Variants in CRKL observed in about 807,000 individuals in gnomAD.
CRKL encodes CRK like proto-oncogene, adaptor protein.
CRKL carries 3 observed loss-of-function variants against 23.0 expected under a neutral mutation model. The observed-to-expected ratio is 0.13, with a 90% CI of 0.06 to 0.34. The LOEUF is 0.34. Among genes scored for constraint, CRKL ranks in the 10% least tolerant of loss-of-function variants. The pLI is 1.00. For missense variants in CRKL, 256 were observed against 394.5 expected, an observed-to-expected ratio of 0.65 and a Z score of 2.97; for synonymous variants, 188 against 160.7, an observed-to-expected ratio of 1.17 and a Z score of -1.28.
rs1319739819 is a variant in CRKL, at chr22:20,951,456, T to C, written c.*1611T>C. 1 of 229,706 alleles carries C rather than the reference T, an allele frequency of 4.4e-6. No individual in the cohort carries two copies. The highest frequency in any genetic ancestry group is 8.6e-6 in the Non-Finnish European group (1 of 115,974). 14.2% of individuals were successfully genotyped at this position (229,706 alleles called of 1,614,324 possible). A position where few individuals can be genotyped will look rare whatever the true frequency, so the allele number is the denominator to read the frequency against. On this transcript the variant is annotated 3_prime_UTR_variant, in exon 3 of 3. Transcript: ENST00000354336. ...GCCTGTTCATACAAGCCAACTGGTA[T>C]ATACGTGTGGTTCATCCATCATCTG...
rs115497413 is a variant in CRKL, at chr22:20,953,100, T to C, written c.*3255T>C. 0.032 allele frequency: 7,426 copies of C among 232,030 alleles called. 173 individuals are homozygous for C. The highest frequency in any genetic ancestry group is 0.071 in the Middle Eastern group (55 of 778). The allele number at this position is 232,030 out of a possible 1,614,324, so 14.4% of individuals were successfully genotyped here. ...CAGAGGAATATGAACATTTTATTTT[T>C]GAAAAGGGATGATGTGGTTTTTTGC... is the stretch of plus-strand genomic sequence containing the variant. On this transcript the variant is annotated 3_prime_UTR_variant, in exon 3 of 3. Transcript: ENST00000354336.
chr22:20,932,103 GC>G, intron 1 of CRKL, among the ~76,000 whole-genome samples: 2 of 151,764 alleles, frequency 1.3e-5, no homozygotes, highest in East Asian at 1.9e-4. Flanking sequence ...GAGCCACTGC[GC>G]CGGCCTCTTA....
chr22:20,951,059 C>T lies in CRKL; in HGVS notation c.*1214C>T. 1 of 232,680 alleles carries T rather than the reference C, an allele frequency of 4.3e-6. No individual in the cohort carries two copies. The highest frequency in any genetic ancestry group is 6.1e-5 in the East Asian group (1 of 16,490). 14.4% of individuals were successfully genotyped at this position (232,680 alleles called of 1,614,324 possible). A position where few individuals can be genotyped will look rare whatever the true frequency, so the allele number is the denominator to read the frequency against. On this transcript the variant is annotated 3_prime_UTR_variant, in exon 3 of 3. Transcript: ENST00000354336. ...AGCAGTGGGTTGGAGGGCACTTGGC[C>T]AGTTTTCTGTTCAGCTTTTCAGTGA...
intron 2 of CRKL, among the ~76,000 whole-genome samples, chr22:20,937,568 G>A (rs1186296795): frequency 6.6e-6 from 1 of 150,922 alleles, no homozygotes; most frequent in Non-Finnish European, 1.5e-5. Flanking sequence ...GTGAGTGGGT[G>A]GATAAGTAGG....
At chr22:20,923,721 C>T (rs1208182653) in intron 1 of CRKL, among the ~76,000 whole-genome samples, 2 of 151,768 alleles carry the variant, frequency 1.3e-5, no homozygotes, top group Non-Finnish European at 2.9e-5. Context: ...ACTACAGGCG[C>T]ACGCGCTACC....
chr22:20,930,660 G>A (rs1170926763), intron 1 of CRKL, among the ~76,000 whole-genome samples: 9 of 147,438 alleles, frequency 6.1e-5, no homozygotes, highest in Non-Finnish European at 1.0e-4. Context: ...GATTACAGGC[G>A]TGAGCCACCA....
chr22:20,942,909 A>T (rs1921929633), intron 2 of CRKL, among the ~76,000 whole-genome samples: 2 of 151,776 alleles, frequency 1.3e-5, no homozygotes, highest in South Asian at 4.2e-4. Flanking sequence ...TGAGCCTCCT[A>T]TGTTTAGCTT....
chr22:20,951,685 GCAA>G lies in CRKL; in HGVS notation c.*1841_*1843del, dbSNP rs1377227288. On this transcript the variant is annotated 3_prime_UTR_variant, in exon 3 of 3. Coordinates refer to ENST00000354336, the MANE Select transcript of CRKL (RefSeq NM_005207.4). ...AGGTTCCTAGGTTTTGAGATTTAGA[GCAA>G]TGCATTCTGGAGACAGAACCAGCAG... 2 of 224,784 alleles carry G rather than the reference GCAA, an allele frequency of 8.9e-6. No individual in the cohort carries two copies. The highest frequency in any genetic ancestry group is 5.7e-5 in the Admixed American group (1 of 17,478). The allele number at this position is 224,784 out of a possible 1,614,324, so 13.9% of individuals were successfully genotyped here. A position where few individuals can be genotyped will look rare whatever the true frequency, so the allele number is the denominator to read the frequency against.
intron 2 of CRKL, among the ~76,000 whole-genome samples, chr22:20,938,256 T>C (rs1331912902): frequency 6.6e-6 from 1 of 152,246 alleles, no homozygotes; most frequent in African/African-American, 2.4e-5. Flanking sequence ...ACAATTTTTT[T>C]TAATCTTGAT....
At chr22:20,943,910 A>G (rs1321515789) in intron 2 of CRKL, among the ~76,000 whole-genome samples, 1 of 152,128 alleles carries the variant, frequency 6.6e-6, no homozygotes, top group African/African-American at 2.4e-5. Flanking sequence ...ATGTCTCTCC[A>G]TATGCCAGCA....
intron 2 of CRKL, among the ~76,000 whole-genome samples, chr22:20,945,067 C>T (rs959404462): frequency 1.3e-5 from 2 of 151,562 alleles, no homozygotes; most frequent in Admixed American, 1.3e-4. Flanking sequence ...GATCTTGGCT[C>T]ACTGCAAGCG....
intron 1 of CRKL, among the ~76,000 whole-genome samples, 168 bp downstream of exon 1, chr22:20,918,413 A>T (rs1356410106): frequency 7.7e-6 from 1 of 130,482 alleles, no homozygotes; most frequent in South Asian, 2.5e-4. Context: ...GATCTGGGTC[A>T]CTGGATAAGA....
chr22:20,942,206 G>C (rs1422914190), intron 2 of CRKL, among the ~76,000 whole-genome samples: 6 of 152,110 alleles, frequency 3.9e-5, no homozygotes, highest in African/African-American at 1.4e-4. Flanking sequence ...TATTTCATTG[G>C]GTACAATGTT....
Position 20,953,671 on chromosome 22 carries a change from C to T in CRKL, c.*3826C>T, listed in dbSNP as rs1922360026. 5.1e-6 allele frequency: 1 copy of T among 197,440 alleles called. No individual in the cohort carries two copies. The highest frequency in any genetic ancestry group is 2.3e-5 in the African/African-American group (1 of 43,242). The allele number at this position is 197,440 out of a possible 1,614,324, so 12.2% of individuals were successfully genotyped here. ...GTATTCCGTTTTACGTTACTGGTCC[C>T]AGCATCAAAACCCTTGTTTCCATGG... On this transcript the variant is annotated 3_prime_UTR_variant, in exon 3 of 3. Transcript: ENST00000354336.
At chr22:20,947,021 G>A (rs1461024237) in intron 2 of CRKL, among the ~76,000 whole-genome samples, 2 of 152,160 alleles carry the variant, frequency 1.3e-5, no homozygotes, top group Non-Finnish European at 2.9e-5. Context: ...TGGTGTTTTA[G>A]CATGTGGAAA....
At chr22:20,920,746 T>C (rs1332598097) in intron 1 of CRKL, among the ~76,000 whole-genome samples, 1 of 151,884 alleles carries the variant, frequency 6.6e-6, no homozygotes, top group Non-Finnish European at 1.5e-5. Context: ...CTTTGCACCT[T>C]TGCTCCAGCT....
intron 2 of CRKL, among the ~76,000 whole-genome samples, chr22:20,945,333 C>T (rs1276688433): frequency 1.3e-5 from 2 of 152,042 alleles, no homozygotes; most frequent in African/African-American, 2.4e-5. Context: ...ATATATAAGA[C>T]GCAACTGATA....
chr22:20,920,861 TA>T (rs1459569540), intron 1 of CRKL, among the ~76,000 whole-genome samples: 1 of 152,104 alleles, frequency 6.6e-6, no homozygotes, highest in East Asian at 1.9e-4. Flanking sequence ...TCTCTGACCC[TA>T]CCCCTCACGT....
chr22:20,925,662 A>G (rs564290612), intron 1 of CRKL, among the ~76,000 whole-genome samples: 1 of 152,376 alleles, frequency 6.6e-6, no homozygotes, highest in Admixed American at 6.5e-5. Flanking sequence ...CACCAGGCAC[A>G]TAGCAACTCA....
Sources: gnomAD v4.1 joint callset for allele counts (sites outside exome capture counted in the v4.1 genomes callset) on GRCh38, gnomAD v4.1.1 for gene constraint, MANE v1.5 for transcripts, NCBI Gene and HGNC (gene_info 2026-07-23, HGNC 2026-07-21) for gene names.